The following CEP72 variants were observed in gnomAD, a reference collection of about 807,000 sequenced individuals.
CEP72 encodes the protein centrosomal protein of 72 kDa.
CEP72 carries 78 observed loss-of-function variants against 65.7 expected under a neutral mutation model. The observed-to-expected ratio is 1.19, with a 90% CI of 0.99 to 1.43. CEP72 has a LOEUF of 1.43. CEP72 is among the 40% of genes most tolerant of loss of function. CEP72 has a pLI of 0.00. For synonymous variants in CEP72, 358 were observed against 351.7 expected (o/e 1.02, Z -0.20); for missense variants, 914 against 832.9 (o/e 1.10, Z -1.20).
chr5:623,166 T>C lies in CEP72; in HGVS notation c.404-1305T>C, dbSNP rs906003390. 1.3e-5 allele frequency among the ~76,000 whole-genome samples: 2 copies of C among 152,136 alleles called. No homozygotes were observed. The highest frequency in any genetic ancestry group is 4.8e-5 in the African/African-American group (2 of 41,434). Reference sequence around the variant, plus strand: ...GAGCGCAGCCGTCTCCCTCTTAGTGTTTCTGCAGAGAAGGAGCGCGACCGT... The same window carrying C: ...GAGCGCAGCCGTCTCCCTCTTAGTGCTTCTGCAGAGAAGGAGCGCGACCGT... On this transcript the variant is annotated intron_variant, in intron 3 of 11. Transcript: ENST00000264935. This position sits in a 1 kb window ranked among gnomAD's most constrained non-coding sequence, Gnocchi z 5.3.
intron 8 of CEP72, among the ~76,000 whole-genome samples, chr5:640,013 A>G (rs1032441785): frequency 6.6e-6 from 1 of 152,104 alleles, no homozygotes; most frequent in African/African-American, 2.4e-5. Context: ...TGAGCTTGCC[A>G]TCGTCGGTGG....
intron 1 of CEP72, among the ~76,000 whole-genome samples, chr5:615,900 A>G (rs189842133): frequency 7.8e-4 from 119 of 152,364 alleles, no homozygotes; most frequent in Admixed American, 3.5e-3. Context: ...GTTTACTTGT[A>G]CAGGTATTTT....
At chr5:615,956 C>T (rs1245022790) in intron 1 of CEP72, among the ~76,000 whole-genome samples, 1 of 152,198 alleles carries the variant, frequency 6.6e-6, no homozygotes, top group African/African-American at 2.4e-5. Flanking sequence ...ATTTAGGTCT[C>T]TATCCTCTCC....
chr5:639,909 T>A (rs11740063), intron 8 of CEP72, among the ~76,000 whole-genome samples: 5,942 of 152,282 alleles, frequency 0.039, 154 homozygotes, highest in Non-Finnish European at 0.059. Context: ...GCCCCTCAGC[T>A]CCTAGAATGA....
downstream of CEP72, among the ~76,000 whole-genome samples, chr5:668,411 C>T (rs1359462283): frequency 2.9e-5 from 3 of 103,712 alleles, no homozygotes; most frequent in African/African-American, 1.1e-4. Flanking sequence ...GACAAGCACA[C>T]AGAGAGGGGG....
At chr5:612,588 G>C (rs1004407245) in intron 1 of CEP72, 145 bp downstream of exon 1, 16 of 1,226,496 alleles carry the variant, frequency 1.3e-5, no homozygotes, top group Non-Finnish European at 1.6e-5. Context: ...GGCGAGCGGG[G>C]CGCGCGTGTC....
chr5:659,909 A>G (rs914044525), downstream of CEP72: 1 of 152,382 alleles, frequency 6.6e-6, no homozygotes, highest in Non-Finnish European at 1.5e-5. Context: ...TTGACACACA[A>G]TGTTAACGAC....
intron 4 of CEP72, among the ~76,000 whole-genome samples, chr5:625,559 G>T (rs144182690): frequency 1.2e-3 from 183 of 152,330 alleles, no homozygotes; most frequent in Non-Finnish European, 2.3e-3. Flanking sequence ...GATTTGAGCC[G>T]TTTTTTGCTG....
At chr5:671,175 C>G (rs11949492), downstream of CEP72, among the ~76,000 whole-genome samples, 63 of 152,172 alleles carry the variant, frequency 4.1e-4, no homozygotes, top group African/African-American at 1.5e-3. Flanking sequence ...CGCACTGTCT[C>G]CCTCTGGGCG....
intron 6 of CEP72, among the ~76,000 whole-genome samples, chr5:636,809 C>CAAAAA (rs76828125): frequency 3.7e-5 from 2 of 54,464 alleles, no homozygotes; most frequent in Non-Finnish European, 8.1e-5. Flanking sequence ...GACTCCAACT[C>CAAAAA]AAAAAAAAAA....
chr5:673,690 C>T, the CEP72 span, among the ~76,000 whole-genome samples: 2 of 152,162 alleles, frequency 1.3e-5, no homozygotes, highest in South Asian at 2.1e-4. Flanking sequence ...AAGGCTGGCA[C>T]ACCCCAAGGC....
At chr5:674,237 C>T in the CEP72 span, among the ~76,000 whole-genome samples, 4 of 152,212 alleles carry the variant, frequency 2.6e-5, no homozygotes, top group African/African-American at 7.2e-5. Flanking sequence ...CCCAGGGACT[C>T]GTCCCAGATG....
chr5:648,672 GGACTGTGAGGCGT>G lies in CEP72; in HGVS notation c.1778+772_1778+784del, dbSNP rs1266520353. On this transcript the variant is annotated intron_variant, in intron 11 of 11. Transcript: ENST00000264935. ...ACTGTGAGGTGTGACTGTGAGGTGT[GGACTGTGAGGCGT>G]GACTGTGAGGCGTGAATGTGAGGCG... Among the ~76,000 whole-genome samples, 103 of 106,442 alleles carry G rather than the reference GGACTGTGAGGCGT, an allele frequency of 9.7e-4. 3 individuals are homozygous for G. The highest frequency in any genetic ancestry group is 6.0e-3 in the Middle Eastern group (1 of 166). 69.8% of individuals were successfully genotyped at this position (106,442 alleles called of 152,430 possible).
intron 8 of CEP72, 56 bp downstream of exon 8, chr5:639,280 G>C: frequency 6.6e-7 from 1 of 1,512,554 alleles, no homozygotes; most frequent in Non-Finnish European, 8.9e-7. Context: ...GTGGGTTCCG[G>C]GGTCCTCTGC....
rs1240206329 is a variant in CEP72, at chr5:651,258, TGACTGTGAGGCGTG to T, written c.1779-1719_1779-1706del. Reference sequence around the variant, plus strand: ...TGACTGAGGCGTGGACTGTGAGGTGTGACTGTGAGGCGTGGACTGTGAGGTGTGACTGTGAGGTG... The same window carrying T: ...TGACTGAGGCGTGGACTGTGAGGTGTGACTGTGAGGTGTGACTGTGAGGTG... On this transcript the variant is annotated intron_variant, in intron 11 of 11. Transcript: ENST00000264935. 4.0e-5 allele frequency among the ~76,000 whole-genome samples: 4 copies of T among 99,448 alleles called. No homozygotes were observed. The East Asian group carries it at 1.5e-3, about 37-fold the overall frequency. 65.2% of individuals were successfully genotyped at this position (99,448 alleles called of 152,430 possible). A position where few individuals can be genotyped will look rare whatever the true frequency, so the allele number is the denominator to read the frequency against.
intron 3 of CEP72, among the ~76,000 whole-genome samples, chr5:620,988 A>T (rs1000021842): frequency 6.6e-6 from 1 of 152,238 alleles, no homozygotes; most frequent in Non-Finnish European, 1.5e-5. Flanking sequence ...CTGGGGCCTC[A>T]GCCCAGGGGC....
In CEP72 at chr5:653,128, G is replaced by GC. The variant is rs753702517; in HGVS notation, c.1921dup (p.His641ProfsTer47). 7 of 1,610,256 alleles carry GC rather than the reference G, an allele frequency of 4.3e-6. No individual in the cohort carries two copies. The highest frequency in any genetic ancestry group is 5.9e-6 in the Non-Finnish European group (7 of 1,179,196). ...GCCCTGTTTCCACACAGCAGCGCCAGCCATGGAGGCTGCCAGGCCTGCTGA... is the reference window on the plus strand; with the variant it reads ...GCCCTGTTTCCACACAGCAGCGCCAGCCCATGGAGGCTGCCAGGCCTGCTGA... On this transcript the variant is annotated frameshift_variant, in exon 12 of 12. Coordinates refer to ENST00000264935, the MANE Select transcript of CEP72 (RefSeq NM_018140.4). LOFTEE classifies it high-confidence loss of function.
intron 11 of CEP72, among the ~76,000 whole-genome samples, chr5:649,273 A>G (rs1738731501): frequency 1.3e-5 from 1 of 78,498 alleles, no homozygotes; most frequent in Admixed American, 1.4e-4. Flanking sequence ...TGTGACTGTG[A>G]GGTGTGACTG....
At chr5:643,493 G>A (rs1389568225) in intron 9 of CEP72, 1 of 985,320 alleles carries the variant, frequency 1.0e-6, no homozygotes, top group Non-Finnish European at 1.2e-6. Context: ...GCATGCTGAG[G>A]GGGCTGTCGG....
Sources: gnomAD v4.1 joint callset for allele counts (sites outside exome capture counted in the v4.1 genomes callset) on GRCh38, gnomAD v4.1.1 for gene constraint, Gnocchi (gnomAD v3.1) non-coding constraint, MANE v1.5 for transcripts, NCBI Gene and HGNC (gene_info 2026-07-23, HGNC 2026-07-21) for gene names.